PTPRD: variants seen among roughly 807,000 people sequenced by gnomAD.
The protein encoded by PTPRD is receptor-type tyrosine-protein phosphatase delta.
PTPRD carries 34 observed loss-of-function variants against 214.5 expected under a neutral mutation model. The observed-to-expected ratio is 0.16, with a 90% CI of 0.12 to 0.21. The LOEUF is 0.21. PTPRD is among the 10% of genes least tolerant of loss of function. The pLI is 1.00. For synonymous variants in PTPRD, 1,128 were observed against 845.7 expected (o/e 1.33, Z -5.79); for missense variants, 2,545 against 2,398.7 (o/e 1.06, Z -1.27).
intron 5 of PTPRD, among the ~76,000 whole-genome samples, chr9:9,792,607 C>T (rs1448080462): frequency 1.3e-5 from 2 of 152,106 alleles, no homozygotes; most frequent in African/African-American, 2.4e-5. Context: ...TAAGATATTA[C>T]ATACATTGCT....
chr9:10,589,064 G>A (rs1402114118), intron 2 of PTPRD, among the ~76,000 whole-genome samples: 1 of 151,992 alleles, frequency 6.6e-6, no homozygotes, highest in Non-Finnish European at 1.5e-5. Flanking sequence ...CCAAATAATT[G>A]CATAGAGTTG....
Position 10,299,937 on chromosome 9 carries a change from C to A in PTPRD, c.-545+41026G>T, listed in dbSNP as rs575162726. ...AGTGTCATTGCTCTCATATAGAAAACTTGGTGTACTAATCTGACTCACTAT... is the reference window on the plus strand; with the variant it reads ...AGTGTCATTGCTCTCATATAGAAAAATTGGTGTACTAATCTGACTCACTAT... On this transcript the variant is annotated intron_variant, in intron 3 of 45. Coordinates refer to ENST00000381196, the MANE Select transcript of PTPRD (RefSeq NM_002839.4). 1.5e-4 allele frequency among the ~76,000 whole-genome samples: 23 copies of A among 152,200 alleles called. No homozygotes were observed. The South Asian group carries it at 4.6e-3, about 30-fold the overall frequency.
intron 3 of PTPRD, among the ~76,000 whole-genome samples, chr9:10,298,574 T>A (rs900205677): frequency 2.0e-5 from 3 of 152,134 alleles, no homozygotes; most frequent in African/African-American, 7.2e-5. Context: ...AAATATTTAG[T>A]TTTTGTTATC....
chr9:8,574,791 C>T (rs1286582110), intron 14 of PTPRD, among the ~76,000 whole-genome samples: 1 of 151,924 alleles, frequency 6.6e-6, no homozygotes, highest in African/African-American at 2.4e-5. Flanking sequence ...AATTGCCAAT[C>T]CCATTTAAAC....
chr9:8,434,827 G>C, intron 35 of PTPRD, among the ~76,000 whole-genome samples: 1 of 152,144 alleles, frequency 6.6e-6, no homozygotes, highest in East Asian at 1.9e-4. Flanking sequence ...TCACTATGGA[G>C]CCCTAAGCCC....
chr9:10,157,495 G>C (rs1428562987), intron 3 of PTPRD, among the ~76,000 whole-genome samples: 1 of 152,144 alleles, frequency 6.6e-6, no homozygotes, highest in Non-Finnish European at 1.5e-5. Flanking sequence ...TCTGCTGAGA[G>C]GTCTGGTGTT....
At chr9:8,954,808 A>C (rs911814764) in intron 11 of PTPRD, among the ~76,000 whole-genome samples, 14 of 151,952 alleles carry the variant, frequency 9.2e-5, no homozygotes, top group African/African-American at 3.1e-4. Flanking sequence ...CAAGGTCTCA[A>C]TGTAAAGATT....
chr9:9,545,296 T>C (rs1377274444), intron 8 of PTPRD, among the ~76,000 whole-genome samples: 1 of 151,802 alleles, frequency 6.6e-6, no homozygotes, highest in Non-Finnish European at 1.5e-5. Context: ...CTCTGTGCTG[T>C]GCCTATTCAT....
At position 9,496,465 on chromosome 9, in the gene PTPRD, C is replaced by G. The variant is rs116788872; in HGVS notation, c.-237+78267G>C. Among the ~76,000 whole-genome samples, 243 of 152,170 alleles carry G rather than the reference C, an allele frequency of 1.6e-3. 1 individual carries two copies. The highest frequency in any genetic ancestry group is 5.5e-3 in the African/African-American group (230 of 41,508). On this transcript the variant is annotated intron_variant, in intron 8 of 45. Transcript: ENST00000381196. ...TACACAAATGTCCAATAAGCACATG[C>G]AAAGATGTTTGACATGACTAATCAT...
At chr9:10,268,895 A>G (rs949806572) in intron 3 of PTPRD, among the ~76,000 whole-genome samples, 2 of 152,322 alleles carry the variant, frequency 1.3e-5, no homozygotes, top group Non-Finnish European at 2.9e-5. Context: ...CAGTCTCAGC[A>G]ACATTGGCAT....
intron 2 of PTPRD, among the ~76,000 whole-genome samples, chr9:10,584,374 T>C (rs1303033204): frequency 1.3e-5 from 2 of 152,132 alleles, no homozygotes; most frequent in Non-Finnish European, 2.9e-5. Context: ...TTTCTGACAA[T>C]GGCATGAAGT....
intron 27 of PTPRD, among the ~76,000 whole-genome samples, chr9:8,489,971 G>C (rs2097115824): frequency 6.6e-6 from 1 of 152,176 alleles, no homozygotes; most frequent in Non-Finnish European, 1.5e-5. Context: ...TTCTAGTTGG[G>C]AAAATAATCA....
chr9:10,530,148 T>A (rs533253418), intron 2 of PTPRD, among the ~76,000 whole-genome samples: 1 of 152,294 alleles, frequency 6.6e-6, no homozygotes, highest in African/African-American at 2.4e-5. Flanking sequence ...AGACAATACA[T>A]CTTCTAAAAT....
intron 5 of PTPRD, among the ~76,000 whole-genome samples, chr9:9,769,210 A>G (rs891118635): frequency 9.2e-5 from 14 of 151,840 alleles, no homozygotes; most frequent in African/African-American, 3.4e-4. Context: ...AGGGTGGACG[A>G]TATATTTTGT....
chr9:9,411,003 T>C (rs1328210325), intron 8 of PTPRD, among the ~76,000 whole-genome samples: 1 of 152,070 alleles, frequency 6.6e-6, no homozygotes, highest in South Asian at 2.1e-4. Context: ...CAAATATACA[T>C]GTTTGCTTTT....
At chr9:9,710,059 T>A (rs976060751) in intron 7 of PTPRD, among the ~76,000 whole-genome samples, 2 of 151,790 alleles carry the variant, frequency 1.3e-5, no homozygotes, top group Admixed American at 6.6e-5. Context: ...AAAAAAAAAA[T>A]AGAATAGGTC....
intron 4 of PTPRD, among the ~76,000 whole-genome samples, chr9:10,031,510 C>T (rs951652840): frequency 2.6e-5 from 4 of 151,132 alleles, no homozygotes; most frequent in African/African-American, 9.8e-5. Context: ...CCTGGAACAT[C>T]GGATGCCAGG....
chr9:9,123,196 T>A (rs576028359), intron 10 of PTPRD, among the ~76,000 whole-genome samples: 2 of 152,276 alleles, frequency 1.3e-5, no homozygotes, highest in Admixed American at 1.3e-4. Flanking sequence ...TTAGGGTCAG[T>A]CATGCAGTCA....
At chr9:9,058,533 C>A (rs1469668728) in intron 10 of PTPRD, among the ~76,000 whole-genome samples, 1 of 140,718 alleles carries the variant, frequency 7.1e-6, no homozygotes, top group Non-Finnish European at 1.5e-5. Context: ...ACTGCAGCCT[C>A]CGCCCCCTGG....
Sources: allele counts gnomAD v4.1 joint callset (sites outside exome capture counted in the v4.1 genomes callset), GRCh38; gene constraint gnomAD v4.1.1; transcripts MANE v1.5; gene names NCBI Gene and HGNC (gene_info 2026-07-23, HGNC 2026-07-21).